Variants in TRIM66 observed in about 807,000 individuals in gnomAD.
TRIM66 encodes tripartite motif containing 66.
A neutral mutation model predicts 148.2 loss-of-function variants in TRIM66; 99 were observed. The observed-to-expected ratio is 0.67, with a 90% confidence interval of 0.57 to 0.79. TRIM66 has a LOEUF of 0.79. Among genes scored for constraint, TRIM66 ranks in the 30% least tolerant of loss-of-function variants. The pLI, the probability that TRIM66 is intolerant of heterozygous loss-of-function variation, is 0.00. For missense variants in TRIM66, 1,666 were observed against 1,697.9 expected (o/e 0.98, Z 0.33); for synonymous variants, 616 against 635.9 (o/e 0.97, Z 0.47).
chr11:8,676,190 A>T (rs761611687), intron 3 of TRIM66, among the ~76,000 whole-genome samples: 2 of 152,182 alleles, frequency 1.3e-5, no homozygotes, highest in Non-Finnish European at 2.9e-5. Context: ...TTTAATAAAA[A>T]TTGTTACCAC....
rs1203386198 is a variant in TRIM66 at position 8,612,282 on chromosome 11, G to A, written c.*5662C>T. The A allele has an allele frequency of 6.6e-6, 1 of 152,398 alleles. No individual in the cohort carries two copies. Among genetic ancestry groups the A allele is most frequent in the South Asian group, 2.1e-4 (1 of 4,822 alleles). 9.4% of individuals were successfully genotyped at this position (152,398 alleles called of 1,614,324 possible). On this transcript the variant is annotated 3_prime_UTR_variant, in exon 25 of 25. Transcript: ENST00000646038. ...TAAGAACTTTCCCCAAAGCAGCTCT[G>A]TTTGGCTTGTGAGTCTCCTTTCCCT...
chr11:8,666,254 G>A (rs1361161281), intron 6 of TRIM66, among the ~76,000 whole-genome samples: 1 of 147,906 alleles, frequency 6.8e-6, no homozygotes, highest in Non-Finnish European at 1.5e-5. Context: ...GAGGAGAATC[G>A]CTTGAACCCG....
chr11:8,644,837 G>A (rs2036708641), intron 12 of TRIM66, among the ~76,000 whole-genome samples: 1 of 152,110 alleles, frequency 6.6e-6, no homozygotes, highest in African/African-American at 2.4e-5. Context: ...GCTTCTTTCA[G>A]AAGATAGCCT....
At chr11:8,676,529 T>C (rs1018533527) in intron 3 of TRIM66, among the ~76,000 whole-genome samples, 1 of 152,174 alleles carries the variant, frequency 6.6e-6, no homozygotes, top group Non-Finnish European at 1.5e-5. Flanking sequence ...GGAGGTAGCA[T>C]GGCTTTCCAC....
intron 8 of TRIM66, 43 bp from the exon 9 acceptor site, chr11:8,648,591 A>C (rs1329047069): frequency 6.5e-7 from 1 of 1,548,986 alleles, no homozygotes; most frequent in Non-Finnish European, 8.7e-7. Context: ...TTGCTCAGGT[A>C]GACAAACCTC....
chr11:8,655,278 A>G (rs1215521745), intron 6 of TRIM66, among the ~76,000 whole-genome samples: 1 of 152,244 alleles, frequency 6.6e-6, no homozygotes, highest in Non-Finnish European at 1.5e-5. Context: ...CAGGTTTATA[A>G]GGAAAGCAGA....
In TRIM66 at chr11:8,617,673, G is replaced by A. The variant is rs1265489471; in HGVS notation, c.*271C>T. The A allele has an allele frequency of 1.6e-5, 7 of 434,642 alleles. No homozygotes were observed. The South Asian group carries it at 2.3e-4, about 14-fold the overall frequency. 26.9% of individuals were successfully genotyped at this position (434,642 alleles called of 1,614,324 possible). A position where few individuals can be genotyped will look rare whatever the true frequency, so the allele number is the denominator to read the frequency against. ...TAGGTTTTCCCGAGCCTAACCAGGT[G>A]TGGTCTTGTCAAGTGGAGCCTATAC... On this transcript the variant is annotated 3_prime_UTR_variant, in exon 25 of 25. Transcript: ENST00000646038.
chr11:8,655,921 T>C (rs2037789915), intron 6 of TRIM66, among the ~76,000 whole-genome samples: 1 of 152,196 alleles, frequency 6.6e-6, no homozygotes, highest in Admixed American at 6.5e-5. Context: ...TTGAAAGGAA[T>C]CCTGGATTTA....
At chr11:8,621,403 C>T in intron 19 of TRIM66, 82 bp from the exon 20 acceptor site, 3 of 1,459,402 alleles carry the variant, frequency 2.1e-6, no homozygotes, top group Non-Finnish European at 2.7e-6. Flanking sequence ...CTGGCAGGCC[C>T]TGCATGCCTA....
upstream of TRIM66, chr11:8,682,669 T>C: frequency 1.1e-6 from 1 of 892,034 alleles, no homozygotes; most frequent in East Asian, 2.4e-5. Context: ...AGGAAGCGAC[T>C]AGCAGGCGCG....
rs1206848843 is a variant in TRIM66, at chr11:8,646,428, T to A, written c.957+19A>T. On this transcript the variant is annotated intron_variant, in intron 11 of 24. Coordinates refer to ENST00000646038, the MANE Select transcript of TRIM66 (RefSeq NM_001388022.1). ...ATGGTTTCTGAACCCAACCATCTGA[T>A]CCATCTGTCTATACATACCTCTAAT... 6.5e-7 allele frequency: 1 copy of A among 1,544,744 alleles called. No homozygotes were observed. The highest frequency in any genetic ancestry group is 1.2e-5 in the South Asian group (1 of 83,932).
chr11:8,633,210 T>C (rs1280226133), intron 15 of TRIM66, among the ~76,000 whole-genome samples: 2 of 152,030 alleles, frequency 1.3e-5, no homozygotes, highest in Non-Finnish European at 2.9e-5. Flanking sequence ...TAATCCCAGC[T>C]ACTCAGGAGG....
rs768631997 is a variant in TRIM66, at chr11:8,646,447, C to T, written c.957G>A (p.Glu319=). 6.4e-6 allele frequency: 10 copies of T among 1,551,632 alleles called. No homozygotes were observed. The highest frequency in any genetic ancestry group is 8.7e-7 in the Non-Finnish European group (1 of 1,146,712). ...ATCTGATCCATCTGTCTATACATAC[C>T]TCTAATTCCTCTATTAGCCCATTGG... ...KQANGLIEEL[E]GITNERKRKL... Residue 319 remains glutamate (E), a splice_region_variant and synonymous_variant, in exon 11 of 25, where the codon GAG becomes GAA. Transcript: ENST00000646038.
At chr11:8,669,924 T>C (rs1330655387) in intron 6 of TRIM66, among the ~76,000 whole-genome samples, 2 of 152,132 alleles carry the variant, frequency 1.3e-5, no homozygotes, top group Admixed American at 1.3e-4. Context: ...TTGTGTGTCA[T>C]GGGGGTTTGG....
intron 3 of TRIM66, among the ~76,000 whole-genome samples, chr11:8,676,864 C>A (rs577664147): frequency 6.6e-6 from 1 of 152,172 alleles, no homozygotes; most frequent in Non-Finnish European, 1.5e-5. Flanking sequence ...TCTATATGAA[C>A]GAAGTGCTTT....
rs1238452774 is a variant in TRIM66, at chr11:8,674,810, T to C, written c.-116A>G. On this transcript the variant is annotated 5_prime_UTR_variant, in exon 4 of 25. Transcript: ENST00000646038. ...AAGACGGCTGGACTCCCATACCTGT[T>C]TCTGCAGTCAATCTGTTATATGTTG... The C allele has an allele frequency of 6.6e-6, 1 of 152,258 alleles. No individual in the cohort carries two copies. Among genetic ancestry groups the C allele is most frequent in the Non-Finnish European group, 1.5e-5 (1 of 68,036 alleles). 9.4% of individuals were successfully genotyped at this position (152,258 alleles called of 1,614,324 possible).
rs1370249067 is a variant in TRIM66, at chr11:8,612,228, C to CAT, written c.*5714_*5715dup. 1 of 152,186 alleles carries CAT rather than the reference C, an allele frequency of 6.6e-6. No individual in the cohort carries two copies. The highest frequency in any genetic ancestry group is 1.5e-5 in the Non-Finnish European group (1 of 68,060). 9.4% of individuals were successfully genotyped at this position (152,186 alleles called of 1,614,324 possible). ...AAAGGGGTACAGCTTGAGGAATGGG[C>CAT]ATATGGCTCAGGAAGCAGCACCAGC... On this transcript the variant is annotated 3_prime_UTR_variant, in exon 25 of 25. Transcript: ENST00000646038.
At position 8,651,880 on chromosome 11, in the gene TRIM66, C is replaced by T. The variant is rs2037389406; in HGVS notation, c.364G>A (p.Glu122Lys). The T allele has an allele frequency of 6.4e-7, 1 of 1,551,514 alleles. No homozygotes were observed. The highest frequency in any genetic ancestry group is 8.7e-7 in the Non-Finnish European group (1 of 1,146,972). ...ACATCCCTGGTAAGATATACTCGTTCACACCCAGGACAGGAGATGAGCTCT... is the reference window on the plus strand; with the variant it reads ...ACATCCCTGGTAAGATATACTCGTTTACACCCAGGACAGGAGATGAGCTCT... ...ADELISCPGC[E>K]RVYLTRDVTE... The change falls in exon 7 of 25, where the codon GAA becomes AAA. Residue 122 changes from glutamate to lysine, a missense_variant. Physicochemically the swap from Glu to Lys is moderately conservative, Grantham distance 56. Transcript: ENST00000646038.
At position 8,649,761 on chromosome 11, in the gene TRIM66, G is replaced by A. The variant is rs769086759; in HGVS notation, c.571C>T (p.Arg191Trp). 6.9e-5 allele frequency: 107 copies of A among 1,549,188 alleles called. No homozygotes were observed. The highest frequency in any genetic ancestry group is 8.4e-5 in the African/African-American group (6 of 71,032). Residue 191 changes from arginine to tryptophan, a missense_variant, in exon 8 of 25, where the codon CGG (arginine) becomes TGG (tryptophan). Physicochemically the swap from Arg to Trp is moderately radical, Grantham distance 101. Coordinates refer to ENST00000646038, the MANE Select transcript of TRIM66 (RefSeq NM_001388022.1). ...SPVPGGPFFP[R>W]AQKGSPGVNG... is the part of the protein sequence containing the mutation. Reference sequence around the variant, plus strand: ...GTACCTGGAGATCCCTTCTGGGCCCGAGGAAAGAATGGGCCCCCGGGGACA... The same window carrying A: ...GTACCTGGAGATCCCTTCTGGGCCCAAGGAAAGAATGGGCCCCCGGGGACA...
Sources: gnomAD v4.1 joint callset for allele counts (sites outside exome capture counted in the v4.1 genomes callset) on GRCh38, gnomAD v4.1.1 for gene constraint, MANE v1.5 for transcripts, NCBI Gene and HGNC (gene_info 2026-07-23, HGNC 2026-07-21) for gene names.